The following MTIF2 variants were observed in gnomAD, a reference collection of about 807,000 sequenced individuals.
MTIF2 encodes the protein mitochondrial translational initiation factor 2.
In MTIF2, 71 loss-of-function variants were observed where a neutral mutation model predicts 83.5. That is an observed-to-expected ratio of 0.85 (90% confidence interval 0.70 to 1.04). The LOEUF (loss-of-function observed/expected upper bound fraction) is 1.04. Ranked by LOEUF, MTIF2 falls within the 50% of genes least tolerant of loss-of-function variation. The pLI is 0.00. For missense variants in MTIF2, 957 were observed against 846.5 expected, an observed-to-expected ratio of 1.13 and a Z score of -1.62; for synonymous variants, 319 against 287.1, an observed-to-expected ratio of 1.11 and a Z score of -1.12.
At chr2:55,268,975 G>C (rs1170032242) in intron 1 of MTIF2, 194 bp downstream of exon 1, 1 of 152,200 alleles carries the variant, frequency 6.6e-6, no homozygotes, top group Non-Finnish European at 1.5e-5. Flanking sequence ...CCGCTTCCGA[G>C]AGAACAGTGC....
intron 5 of MTIF2, among the ~76,000 whole-genome samples, chr2:55,261,760 G>A (rs1482194032): frequency 6.6e-6 from 1 of 151,690 alleles, no homozygotes; most frequent in East Asian, 1.9e-4. Context: ...ACAACATAGT[G>A]AGACTCTGTC....
chr2:55,247,148 G>A (rs999235233), intron 9 of MTIF2, among the ~76,000 whole-genome samples: 3 of 152,130 alleles, frequency 2.0e-5, no homozygotes, highest in African/African-American at 7.2e-5. Flanking sequence ...TGCTCTCTAG[G>A]GCTCCAAGAT....
At chr2:55,244,898 T>C (rs773555553) in intron 10 of MTIF2, among the ~76,000 whole-genome samples, 2 of 151,732 alleles carry the variant, frequency 1.3e-5, no homozygotes, top group Non-Finnish European at 2.9e-5. Context: ...AATACAAAAA[T>C]TAGCTGAGTG....
intron 5 of MTIF2, among the ~76,000 whole-genome samples, chr2:55,257,264 A>C (rs2589099): frequency 6.6e-6 from 1 of 152,168 alleles, no homozygotes. Context: ...CAGATCACCT[A>C]AGATGAGGAG....
intron 8 of MTIF2, 81 bp downstream of exon 8, chr2:55,252,396 T>C: frequency 8.2e-7 from 1 of 1,221,296 alleles, no homozygotes; most frequent in South Asian, 1.4e-5. Flanking sequence ...GGGATTGTTG[T>C]GAAGACTAAA....
Position 55,249,478 on chromosome 2 carries a change from C to T in MTIF2, c.898G>A (p.Val300Met). The change falls in exon 9 of 16, where the codon GTG becomes ATG. Residue 300 changes from valine (V) to methionine (M), a missense_variant. Around this residue, in one of 3 missense-constraint regions of MTIF2, gnomAD observed 733 missense variants for 648.7 expected, o/e 1.13. Coordinates refer to ENST00000263629, the MANE Select transcript of MTIF2 (RefSeq NM_002453.3). Reference protein sequence around the residue: ...CDKAEADPEKVKKELLAYDVV... With the variant: ...CDKAEADPEKMKKELLAYDVV... ...TCGTAAGCCAGCAGCTCTTTTTTCA[C>T]TTTCTCAGGATCAGCCTCAGCTTTG... The T allele has an allele frequency of 1.2e-6, 2 of 1,614,108 alleles. No individual in the cohort carries two copies. Among genetic ancestry groups the T allele is most frequent in the Non-Finnish European group, 1.7e-6 (2 of 1,180,004 alleles).
chr2:55,258,568 T>C (rs752744217), intron 5 of MTIF2, among the ~76,000 whole-genome samples: 1 of 151,874 alleles, frequency 6.6e-6, no homozygotes, highest in African/African-American at 2.4e-5. Context: ...TCCCAGAACT[T>C]TGGGAGGCTA....
intron 14 of MTIF2, 61 bp downstream of exon 14, chr2:55,239,950 A>G (rs1676176939): frequency 4.9e-6 from 7 of 1,435,454 alleles, no homozygotes; most frequent in Non-Finnish European, 6.6e-6. Context: ...CTTTGCTTTG[A>G]AGTGCTATTT....
At chr2:55,258,563 G>C (rs960271008) in intron 5 of MTIF2, among the ~76,000 whole-genome samples, 1 of 151,708 alleles carries the variant, frequency 6.6e-6, no homozygotes, top group Admixed American at 6.6e-5. Flanking sequence ...TGTAATCCCA[G>C]AACTTTGGGA....
At chr2:55,249,610 C>T (rs1182597872) in intron 8 of MTIF2, 76 bp from the exon 9 acceptor site, 8 of 1,538,990 alleles carry the variant, frequency 5.2e-6, no homozygotes, top group African/African-American at 1.4e-5. Context: ...AAGACATCAA[C>T]TTTCTGTTCT....
intron 8 of MTIF2, among the ~76,000 whole-genome samples, chr2:55,251,248 T>C (rs1677073091): frequency 6.6e-6 from 1 of 152,102 alleles, no homozygotes; most frequent in Non-Finnish European, 1.5e-5. Flanking sequence ...TGCTTTGTAA[T>C]GGGATCCCTG....
At chr2:55,240,724 C>T (rs1676245773) in intron 13 of MTIF2, among the ~76,000 whole-genome samples, 1 of 152,080 alleles carries the variant, frequency 6.6e-6, no homozygotes, top group Non-Finnish European at 1.5e-5. Flanking sequence ...ATTTTAAACC[C>T]ATTCATTTAA....
intron 3 of MTIF2, among the ~76,000 whole-genome samples, chr2:55,265,085 A>C (rs754584407): frequency 7.2e-5 from 11 of 151,984 alleles, no homozygotes; most frequent in Non-Finnish European, 8.8e-5. Flanking sequence ...TCTACTAAAA[A>C]TACAAAAATC....
chr2:55,264,043 C>T (rs781141594), intron 3 of MTIF2, among the ~76,000 whole-genome samples, 178 bp from the exon 4 acceptor site: 29 of 152,160 alleles, frequency 1.9e-4, no homozygotes, highest in Non-Finnish European at 3.8e-4. Flanking sequence ...GATTCCATAA[C>T]AAGTACTCTC....
intron 14 of MTIF2, among the ~76,000 whole-genome samples, chr2:55,237,997 T>C (rs1311734916): frequency 6.6e-6 from 1 of 152,030 alleles, no homozygotes; most frequent in East Asian, 1.9e-4. Context: ...GTTTTAAGCT[T>C]TCCTTCAATA....
At chr2:55,242,638 A>T (rs995416595) in intron 13 of MTIF2, among the ~76,000 whole-genome samples, 1 of 152,196 alleles carries the variant, frequency 6.6e-6, no homozygotes, top group Non-Finnish European at 1.5e-5. Flanking sequence ...TTGGGATAGT[A>T]AAGAACCAGG....
Position 55,252,655 on chromosome 2 carries a change from T to C in MTIF2, c.665-2A>G. Reference sequence around the variant, plus strand: ...TCTTTTCCCCAGAAGGCAGAGAGACTGTGGAAACAGAAATTCAAGAACATC... The same window carrying C: ...TCTTTTCCCCAGAAGGCAGAGAGACCGTGGAAACAGAAATTCAAGAACATC... On this transcript the variant is annotated splice_acceptor_variant, in intron 7 of 15. Transcript: ENST00000263629. LOFTEE classifies it high-confidence loss of function. 1 of 1,606,930 alleles carries C rather than the reference T, an allele frequency of 6.2e-7. No homozygotes were observed. Among genetic ancestry groups the C allele is most frequent in the Non-Finnish European group, 8.5e-7 (1 of 1,175,744 alleles).
rs773514870 is a variant in MTIF2 at position 55,243,096 on chromosome 2, G to A, written c.1565-16C>T. The stretch of plus-strand genomic sequence containing the variant: ...TCAACATCACCTAAATACAGAAAAA[G>A]TTTATAATTGTTGCTTTTAAGAGTT... On this transcript the variant is annotated splice_polypyrimidine_tract_variant and intron_variant, in intron 12 of 15. Coordinates refer to ENST00000263629, the MANE Select transcript of MTIF2 (RefSeq NM_002453.3). The A allele has an allele frequency of 1.3e-5, 21 of 1,574,890 alleles. No homozygotes were observed. The highest frequency in any genetic ancestry group is 6.0e-5 in the Admixed American group (3 of 49,728).
At chr2:55,265,365 C>G (rs556540961) in intron 3 of MTIF2, among the ~76,000 whole-genome samples, 1 of 147,820 alleles carries the variant, frequency 6.8e-6, no homozygotes, top group African/African-American at 2.4e-5. Context: ...AGGTTCCATT[C>G]CACAAACAGT....
Sources: gnomAD v4.1 joint callset for allele counts (sites outside exome capture counted in the v4.1 genomes callset) on GRCh38, gnomAD v4.1.1 for gene constraint, gnomAD v4.1.1 regional missense constraint, MANE v1.5 for transcripts, NCBI Gene and HGNC (gene_info 2026-07-23, HGNC 2026-07-21) for gene names.